CSNK1D: variants seen among roughly 807,000 people sequenced by gnomAD.
CSNK1D encodes casein kinase I isoform delta.
Under a neutral mutation model 46.6 loss-of-function variants are expected in CSNK1D, and 16 were observed. The ratio of observed to expected loss-of-function variants is 0.34; its 90% CI spans 0.23 to 0.52. CSNK1D has a LOEUF of 0.52. Ranked by LOEUF, CSNK1D falls within the 20% of genes least tolerant of loss-of-function variation. CSNK1D has a pLI of 0.95. For synonymous variants in CSNK1D, 276 were observed against 228.2 expected, an observed-to-expected ratio of 1.21 and a Z score of -1.89; for missense variants, 398 against 578.4, an observed-to-expected ratio of 0.69 and a Z score of 3.20.
Position 82,273,093 on chromosome 17 carries a change from G to A in CSNK1D, c.76+213C>T, listed in dbSNP as rs2051678666. ...TCTCCAGACCCTGCTCCCCCGACCT[G>A]GTCCTGCCCCTCCCCCACGTCCGCT... On this transcript the variant is annotated intron_variant, in intron 1 of 8. Transcript: ENST00000314028. The surrounding 1 kb of genome is among the most constrained non-coding windows in gnomAD (Gnocchi z 5.1). The A allele has an allele frequency of 7.3e-6, 3 of 410,640 alleles. No homozygotes were observed. The highest frequency in any genetic ancestry group is 4.5e-5 in the Admixed American group (1 of 22,354). 25.4% of individuals were successfully genotyped at this position (410,640 alleles called of 1,614,324 possible). A position where few individuals can be genotyped will look rare whatever the true frequency, so the allele number is the denominator to read the frequency against.
chr17:82,264,646 A>G (rs2051421187), intron 2 of CSNK1D, among the ~76,000 whole-genome samples: 1 of 152,182 alleles, frequency 6.6e-6, no homozygotes, highest in Non-Finnish European at 1.5e-5. Flanking sequence ...CCAAGCTATA[A>G]GCAAAGCATG....
downstream of CSNK1D, chr17:82,242,558 G>A (rs920667540): frequency 8.3e-6 from 7 of 843,584 alleles, no homozygotes; most frequent in African/African-American, 1.1e-4. Context: ...CCCACAGGCT[G>A]AGAAAGAACA....
In CSNK1D at chr17:82,244,255, C is replaced by G; in HGVS notation, c.*526G>C. On this transcript the variant is annotated 3_prime_UTR_variant, in exon 9 of 9. Coordinates refer to ENST00000314028, the MANE Select transcript of CSNK1D (RefSeq NM_001893.6). ...GATCCACCTGCACCTTCTCCCTGCC[C>G]GACTCCACCTCATACACTAACTCCA... is the stretch of plus-strand genomic sequence containing the variant. The G allele has an allele frequency of 1.8e-6, 2 of 1,084,054 alleles. No individual in the cohort carries two copies. The highest frequency in any genetic ancestry group is 2.3e-6 in the Non-Finnish European group (2 of 887,444). The allele number at this position is 1,084,054 out of a possible 1,614,324, so 67.2% of individuals were successfully genotyped here.
Position 82,249,819 on chromosome 17 carries a change from C to G in CSNK1D, c.886-217G>C. On this transcript the variant is annotated intron_variant, in intron 6 of 8. Coordinates refer to ENST00000314028, the MANE Select transcript of CSNK1D (RefSeq NM_001893.6). This position sits in a 1 kb window ranked among gnomAD's most constrained non-coding sequence, Gnocchi z 6.7. ...CAGGCCTCTCAGCTCCCCCAACAAT[C>G]GAAAAAACCCCACTCGCCATGGCAT... 4.2e-6 allele frequency: 6 copies of G among 1,433,006 alleles called. No individual in the cohort carries two copies. The highest frequency in any genetic ancestry group is 5.5e-6 in the Non-Finnish European group (6 of 1,098,424). The allele number at this position is 1,433,006 out of a possible 1,614,324, so 88.8% of individuals were successfully genotyped here.
At position 82,249,812 on chromosome 17, in the gene CSNK1D, C is replaced by G; in HGVS notation, c.886-210G>C. ...TCAGAGCCAGGCCTCTCAGCTCCCC[C>G]AACAATCGAAAAAACCCCACTCGCC... On this transcript the variant is annotated intron_variant, in intron 6 of 8. Coordinates refer to ENST00000314028, the MANE Select transcript of CSNK1D (RefSeq NM_001893.6). The surrounding 1 kb of genome is among the most constrained non-coding windows in gnomAD (Gnocchi z 6.7). 7.0e-7 allele frequency: 1 copy of G among 1,435,048 alleles called. No individual in the cohort carries two copies. The highest frequency in any genetic ancestry group is 9.1e-7 in the Non-Finnish European group (1 of 1,099,490). The allele number at this position is 1,435,048 out of a possible 1,614,324, so 88.9% of individuals were successfully genotyped here.
downstream of CSNK1D, among the ~76,000 whole-genome samples, chr17:82,240,730 C>T (rs1052645617): frequency 2.0e-5 from 3 of 152,306 alleles, no homozygotes; most frequent in African/African-American, 4.8e-5. Flanking sequence ...CCTGAGGGAC[C>T]GTGCTCAGTG....
At chr17:82,260,122 T>TG (rs1381088319) in intron 2 of CSNK1D, among the ~76,000 whole-genome samples, 4 of 149,644 alleles carry the variant, frequency 2.7e-5, no homozygotes, top group Admixed American at 1.3e-4. Flanking sequence ...CTGACTGATG[T>TG]GACTGATGGT....
chr17:82,243,624 C>T lies in CSNK1D; in HGVS notation c.*1157G>A. On this transcript the variant is annotated 3_prime_UTR_variant, in exon 9 of 9. Coordinates refer to ENST00000314028, the MANE Select transcript of CSNK1D (RefSeq NM_001893.6). Reference sequence around the variant, plus strand: ...AGGTTCTGGGTCCGGTTGGGAGAGTCACCTGCTCCTTGGCACCTCAGGGTG... The same window carrying T: ...AGGTTCTGGGTCCGGTTGGGAGAGTTACCTGCTCCTTGGCACCTCAGGGTG... 1.0e-6 allele frequency: 1 copy of T among 985,532 alleles called. No homozygotes were observed. Among genetic ancestry groups the T allele is most frequent in the Non-Finnish European group, 1.2e-6 (1 of 829,972 alleles). 61.0% of individuals were successfully genotyped at this position (985,532 alleles called of 1,614,324 possible). A position where few individuals can be genotyped will look rare whatever the true frequency, so the allele number is the denominator to read the frequency against.
Position 82,273,410 on chromosome 17 carries a change from C to T in CSNK1D, c.-29G>A. On this transcript the variant is annotated 5_prime_UTR_variant, in exon 1 of 9. Coordinates refer to ENST00000314028, the MANE Select transcript of CSNK1D (RefSeq NM_001893.6). This position sits in a 1 kb window ranked among gnomAD's most constrained non-coding sequence, Gnocchi z 5.1. Reference sequence around the variant, plus strand: ...GGCGGCGGCCCGATTCGCTCCTGCCCTCCCGGCCGCTTCCTGGGTCTGAAC... The same window carrying T: ...GGCGGCGGCCCGATTCGCTCCTGCCTTCCCGGCCGCTTCCTGGGTCTGAAC... The T allele has an allele frequency of 6.2e-7, 1 of 1,609,422 alleles. No homozygotes were observed. Among genetic ancestry groups the T allele is most frequent in the Non-Finnish European group, 8.5e-7 (1 of 1,178,884 alleles).
In CSNK1D at chr17:82,250,232, C is replaced by T. The variant is rs747892186; in HGVS notation, c.886-630G>A. 1.7e-5 allele frequency: 22 copies of T among 1,288,988 alleles called. No homozygotes were observed. The highest frequency in any genetic ancestry group is 2.2e-5 in the Non-Finnish European group (22 of 988,114). The allele number at this position is 1,288,988 out of a possible 1,614,324, so 79.8% of individuals were successfully genotyped here. A position where few individuals can be genotyped will look rare whatever the true frequency, so the allele number is the denominator to read the frequency against. On this transcript the variant is annotated intron_variant, in intron 6 of 8. Transcript: ENST00000314028. The surrounding 1 kb of genome is among the most constrained non-coding windows in gnomAD (Gnocchi z 4.6). ...ATGCTGTGCGGCAGGGGCCTGCAAACTACAGCCCCGGGGCCAAACCCAGGT... is the reference window on the plus strand; with the variant it reads ...ATGCTGTGCGGCAGGGGCCTGCAAATTACAGCCCCGGGGCCAAACCCAGGT...
chr17:82,253,002 G>A lies in CSNK1D; in HGVS notation c.565+14C>T. 1.2e-6 allele frequency: 2 copies of A among 1,612,796 alleles called. No homozygotes were observed. The highest frequency in any genetic ancestry group is 1.1e-5 in the South Asian group (1 of 91,022). ...AGGCACCCCAGGTCAGTGACCCCAT[G>A]CCCAGGGGCTCACCAATTCCAAGGT... On this transcript the variant is annotated intron_variant, in intron 4 of 8. Coordinates refer to ENST00000314028, the MANE Select transcript of CSNK1D (RefSeq NM_001893.6).
rs1417721621 is a variant in CSNK1D, at chr17:82,249,737, C to T, written c.886-135G>A. On this transcript the variant is annotated intron_variant, in intron 6 of 8. Transcript: ENST00000314028. The surrounding 1 kb of genome is among the most constrained non-coding windows in gnomAD (Gnocchi z 6.7). ...ACGAGACTGCCTGCAAAGCCCCCCA[C>T]AGGCTGCACGTTTCTCCTCATGGGA... The T allele has an allele frequency of 2.0e-6, 3 of 1,506,506 alleles. No individual in the cohort carries two copies. Among genetic ancestry groups the T allele is most frequent in the Non-Finnish European group, 2.7e-6 (3 of 1,130,698 alleles). The allele number at this position is 1,506,506 out of a possible 1,614,324, so 93.3% of individuals were successfully genotyped here.
chr17:82,257,580 C>T (rs2051204665), intron 2 of CSNK1D, among the ~76,000 whole-genome samples: 1 of 152,228 alleles, frequency 6.6e-6, no homozygotes, highest in Non-Finnish European at 1.5e-5. Flanking sequence ...CAACACTGGG[C>T]CCGGCCAATG....
Position 82,246,836 on chromosome 17 carries a change from C to T in CSNK1D, c.1198-2005G>A, listed in dbSNP as rs1012005269. 2.3e-5 allele frequency: 23 copies of T among 986,192 alleles called. No homozygotes were observed. In the East Asian group the frequency reaches 5.7e-4, roughly 24 times the overall value. 61.1% of individuals were successfully genotyped at this position (986,192 alleles called of 1,614,324 possible). Reference sequence around the variant, plus strand: ...CGACGGCCCGAGGAGGAAGACTGGCCGGGGATGAGTCACTGCCCACGGTGA... The same window carrying T: ...CGACGGCCCGAGGAGGAAGACTGGCTGGGGATGAGTCACTGCCCACGGTGA... On this transcript the variant is annotated intron_variant, in intron 8 of 8. Coordinates refer to ENST00000314028, the MANE Select transcript of CSNK1D (RefSeq NM_001893.6).
At chr17:82,269,982 G>A (rs1175660462) in intron 1 of CSNK1D, among the ~76,000 whole-genome samples, 1 of 152,248 alleles carries the variant, frequency 6.6e-6, no homozygotes, top group African/African-American at 2.4e-5. Flanking sequence ...ACATGGACAC[G>A]GATGCGGAGG....
intron 1 of CSNK1D, among the ~76,000 whole-genome samples, chr17:82,268,746 C>T (rs938271027): frequency 5.4e-4 from 82 of 152,270 alleles, no homozygotes; most frequent in African/African-American, 1.9e-3. Context: ...GTTTGGGTAT[C>T]AGTTAATGTT....
At chr17:82,260,924 G>A (rs35693344) in intron 2 of CSNK1D, 70,150 of 155,050 alleles carry the variant, frequency 0.45, 17,632 homozygotes, top group East Asian at 0.97. Context: ...CCAGGCTGGA[G>A]GGCAGTGGCA....
At chr17:82,247,516 C>T (rs1021757929) in intron 8 of CSNK1D, 4 of 985,486 alleles carry the variant, frequency 4.1e-6, no homozygotes, top group East Asian at 1.1e-4. Flanking sequence ...TGTCCAAGTC[C>T]GGTCAGCACC....
At chr17:82,263,892 G>A (rs1254804417) in intron 2 of CSNK1D, among the ~76,000 whole-genome samples, 2 of 152,202 alleles carry the variant, frequency 1.3e-5, no homozygotes, top group African/African-American at 2.4e-5. Context: ...CAGGCTCCCA[G>A]GGCGGAGTCT....
Sources: allele counts gnomAD v4.1 joint callset (sites outside exome capture counted in the v4.1 genomes callset), GRCh38; gene constraint gnomAD v4.1.1; non-coding constraint Gnocchi (gnomAD v3.1); transcripts MANE v1.5; gene names NCBI Gene and HGNC (gene_info 2026-07-23, HGNC 2026-07-21).